CNTLN: variants seen among roughly 807,000 people sequenced by gnomAD.
The protein encoded by CNTLN is centlein, centrosomal protein.
A neutral mutation model predicts 180.0 loss-of-function variants in CNTLN; 212 were observed. That is an observed-to-expected ratio of 1.18 (90% CI 1.05 to 1.32). The LOEUF is 1.32. CNTLN is among the 40% of genes most tolerant of loss of function. The pLI is 0.00. For synonymous variants in CNTLN, 722 were observed against 563.1 expected (o/e 1.28, Z -3.99); for missense variants, 2,095 against 1,610.9 (o/e 1.30, Z -5.14).
At chr9:17,260,847 T>G (rs1033936873) in intron 5 of CNTLN, among the ~76,000 whole-genome samples, 3 of 151,420 alleles carry the variant, frequency 2.0e-5, no homozygotes, top group Non-Finnish European at 2.9e-5. Flanking sequence ...TAATCCATCT[T>G]GAGTATGGTG....
At position 17,248,779 on chromosome 9, in the gene CNTLN, G is replaced by T. The variant is rs562871270; in HGVS notation, c.849+12191G>T. Among the ~76,000 whole-genome samples the T allele has an allele frequency of 1.1e-4, 16 of 151,536 alleles. No individual in the cohort carries two copies. In the South Asian group the frequency reaches 3.1e-3, roughly 30 times the overall value. On this transcript the variant is annotated intron_variant, in intron 5 of 25. Coordinates refer to ENST00000380647, the MANE Select transcript of CNTLN (RefSeq NM_017738.4). ...GCATTATGCAAACCTGAACGGACCA[G>T]TAATGAGTAGCAAGATTGAGTCAGT...
chr9:17,457,640 A>T lies in CNTLN; in HGVS notation c.3231A>T (p.Pro1077=), dbSNP rs755677968. 6.4e-7 allele frequency: 1 copy of T among 1,553,462 alleles called. No homozygotes were observed. ...LAEENSQVTF[P]RIQVTSLSPS... The stretch of plus-strand genomic sequence containing the variant: ...AAGAAAATTCCCAGGTAACATTTCC[A>T]CGGATACAAGTTACATCACTTAGTC... Residue 1077 remains proline, a synonymous_variant, in exon 19 of 26, where the codon CCA becomes CCT. Coordinates refer to ENST00000380647, the MANE Select transcript of CNTLN (RefSeq NM_017738.4).
chr9:17,215,015 G>A (rs985644025), intron 2 of CNTLN, among the ~76,000 whole-genome samples: 1 of 152,062 alleles, frequency 6.6e-6, no homozygotes, highest in African/African-American at 2.4e-5. Context: ...CCTTTAGCTG[G>A]GAGAAGTTTG....
chr9:17,312,350 T>TATATATATTATATATATATATATATATA (rs1819199022), intron 8 of CNTLN, among the ~76,000 whole-genome samples: 1 of 16,370 alleles, frequency 6.1e-5, no homozygotes, highest in Non-Finnish European at 1.8e-4. Flanking sequence ...TATTTATATA[T>TATATATATTATATATATATATATATATA]ATATATATAT....
intron 8 of CNTLN, among the ~76,000 whole-genome samples, chr9:17,310,572 T>C (rs10756863): frequency 0.8 from 121,744 of 152,106 alleles, 49,439 homozygotes; most frequent in Non-Finnish European, 0.87. Flanking sequence ...CATGCATCTT[T>C]GTGGGTTATA....
At chr9:17,310,070 G>A (rs937576494) in intron 8 of CNTLN, among the ~76,000 whole-genome samples, 1 of 152,000 alleles carries the variant, frequency 6.6e-6, no homozygotes, top group Non-Finnish European at 1.5e-5. Context: ...TTTGTGTTAT[G>A]ACATACTATT....
chr9:17,174,048 G>T (rs893142606), intron 2 of CNTLN, among the ~76,000 whole-genome samples: 9 of 152,090 alleles, frequency 5.9e-5, no homozygotes, highest in African/African-American at 2.2e-4. Flanking sequence ...CTCCATTTTT[G>T]TAATTTTATC....
At chr9:17,242,034 C>A (rs2132203240) in intron 5 of CNTLN, among the ~76,000 whole-genome samples, 1 of 152,154 alleles carries the variant, frequency 6.6e-6, no homozygotes, top group East Asian at 1.9e-4. Context: ...CTTGGATGTC[C>A]TTTCTTTCTC....
At chr9:17,383,313 G>C (rs1825406517) in intron 13 of CNTLN, among the ~76,000 whole-genome samples, 1 of 151,792 alleles carries the variant, frequency 6.6e-6, no homozygotes, top group Non-Finnish European at 1.5e-5. Flanking sequence ...TGAATCGTTT[G>C]AATCCAGGAA....
chr9:17,218,107 G>A (rs909243311), intron 2 of CNTLN, among the ~76,000 whole-genome samples: 2 of 151,984 alleles, frequency 1.3e-5, no homozygotes, highest in African/African-American at 2.4e-5. Context: ...ATCATTTGTC[G>A]TTTGCCAACT....
intron 6 of CNTLN, among the ~76,000 whole-genome samples, chr9:17,284,116 G>T (rs774816976): frequency 2.6e-5 from 4 of 152,130 alleles, no homozygotes; most frequent in Non-Finnish European, 5.9e-5. Flanking sequence ...CCACCTCACA[G>T]ATTCAAGCAC....
chr9:17,220,784 T>G (rs1824081094), intron 2 of CNTLN, among the ~76,000 whole-genome samples: 2 of 152,082 alleles, frequency 1.3e-5, no homozygotes, highest in African/African-American at 4.8e-5. Flanking sequence ...TCTTGTTCTT[T>G]TTTATAGCTT....
chr9:17,366,551 GTA>G (rs1355384870), intron 12 of CNTLN, 64 bp from the exon 13 acceptor site: 1 of 702,656 alleles, frequency 1.4e-6, no homozygotes, highest in South Asian at 1.8e-5. Flanking sequence ...ATATTTAAAT[GTA>G]TATGTTTGAT....
chr9:17,145,612 C>T (rs1309325580), intron 2 of CNTLN, among the ~76,000 whole-genome samples: 2 of 152,162 alleles, frequency 1.3e-5, no homozygotes, highest in Admixed American at 6.5e-5. Flanking sequence ...AGAATGTCTA[C>T]GTCCTTTGTC....
intron 2 of CNTLN, among the ~76,000 whole-genome samples, chr9:17,198,386 C>CT (rs61209273): frequency 0.016 from 1,793 of 109,466 alleles, 19 homozygotes; most frequent in Middle Eastern, 0.043. Context: ...TCTTTTCTTT[C>CT]TTTTTTTTTT....
intron 5 of CNTLN, among the ~76,000 whole-genome samples, chr9:17,255,917 A>T (rs1208771683): frequency 6.6e-6 from 1 of 151,766 alleles, no homozygotes; most frequent in African/African-American, 2.4e-5. Flanking sequence ...CTTCCTTTGG[A>T]TTATCCAATG....
At chr9:17,348,226 T>G (rs1430988937) in intron 12 of CNTLN, among the ~76,000 whole-genome samples, 2 of 151,586 alleles carry the variant, frequency 1.3e-5, no homozygotes, top group East Asian at 3.9e-4. Flanking sequence ...ACGTTAAAAT[T>G]GCAAAAGCTT....
chr9:17,434,666 T>C (rs1829653920), intron 18 of CNTLN, among the ~76,000 whole-genome samples: 1 of 152,160 alleles, frequency 6.6e-6, no homozygotes, highest in Non-Finnish European at 1.5e-5. Context: ...CATGGGAACT[T>C]GAACAAAATT....
At position 17,217,527 on chromosome 9, in the gene CNTLN, C is replaced by T. The variant is rs1260125791; in HGVS notation, c.450-8676C>T. 3.3e-5 allele frequency among the ~76,000 whole-genome samples: 5 copies of T among 152,224 alleles called. No homozygotes were observed. In the East Asian group the frequency reaches 9.6e-4, roughly 29 times the overall value. ...TTGAAATGCAAGGTGCAAGTTAGCA[C>T]TTTATTCAGCACAGGCAGGCATCAT... On this transcript the variant is annotated intron_variant, in intron 2 of 25. Transcript: ENST00000380647.
Sources: gnomAD v4.1 joint callset for allele counts (sites outside exome capture counted in the v4.1 genomes callset) on GRCh38, gnomAD v4.1.1 for gene constraint, MANE v1.5 for transcripts, NCBI Gene and HGNC (gene_info 2026-07-23, HGNC 2026-07-21) for gene names.